Variants in L3MBTL2 observed in about 807,000 individuals in gnomAD.
L3MBTL2 encodes the protein lethal(3)malignant brain tumor-like protein 2.
A neutral mutation model predicts 86.4 loss-of-function variants in L3MBTL2; 49 were observed. That is an observed-to-expected ratio of 0.57 (90% CI 0.45 to 0.72). The LOEUF (loss-of-function observed/expected upper bound fraction) is 0.72, where lower values mean the gene tolerates loss of function less well. Ranked by LOEUF, L3MBTL2 falls within the 30% of genes least tolerant of loss-of-function variation. L3MBTL2 has a pLI of 0.00. For synonymous variants in L3MBTL2, 336 were observed against 350.6 expected (o/e 0.96, Z 0.47); for missense variants, 755 against 923.7 (o/e 0.82, Z 2.37).
chr22:41,206,695 A>T (rs977681913), intron 1 of L3MBTL2, among the ~76,000 whole-genome samples: 7 of 151,820 alleles, frequency 4.6e-5, no homozygotes, highest in African/African-American at 1.7e-4. Flanking sequence ...GCTACTCGGG[A>T]GGCTGAGGCG....
chr22:41,228,379 G>GC (rs1254591017), intron 15 of L3MBTL2: 8 of 985,340 alleles, frequency 8.1e-6, no homozygotes, highest in South Asian at 9.4e-5. Context: ...CCTTGGTGGG[G>GC]CCTCACTCTA....
intron 1 of L3MBTL2, among the ~76,000 whole-genome samples, chr22:41,207,236 CTTTTTTTTTTTT>C (rs753351369): frequency 5.8e-5 from 7 of 120,508 alleles, no homozygotes; most frequent in African/African-American, 1.3e-4. Context: ...CCCCCAAATC[CTTTTTTTTTTTT>C]TTTTTTTTTT....
At position 41,225,063 on chromosome 22, in the gene L3MBTL2, G is replaced by T; in HGVS notation, c.1348G>T (p.Val450Phe). 6.2e-7 allele frequency: 1 copy of T among 1,613,170 alleles called. No individual in the cohort carries two copies. The highest frequency in any genetic ancestry group is 8.5e-7 in the Non-Finnish European group (1 of 1,179,452). ...TCTGGGCAACATCTGCGTGGCAACTGTCTGTAAGGTGAGCCAGGGGCCGGC... is the reference window on the plus strand; with the variant it reads ...TCTGGGCAACATCTGCGTGGCAACTTTCTGTAAGGTGAGCCAGGGGCCGGC... ...LNLGNICVAT[V>F]CKVLLDGYLM... is the part of the protein sequence containing the mutation. Residue 450 changes from valine to phenylalanine, a missense_variant, in exon 11 of 17, where the codon GTC becomes TTC. Around this residue, in one of 3 missense-constraint regions of L3MBTL2, gnomAD observed 634 missense variants for 748.9 expected, o/e 0.85. Coordinates refer to ENST00000216237, the MANE Select transcript of L3MBTL2 (RefSeq NM_031488.5). This position sits in a 1 kb window ranked among gnomAD's most constrained non-coding sequence, Gnocchi z 4.1.
intron 15 of L3MBTL2, 110 bp from the exon 16 acceptor site, chr22:41,229,430 C>T (rs2145620947): frequency 8.1e-7 from 1 of 1,234,560 alleles, no homozygotes; most frequent in Non-Finnish European, 1.1e-6. Context: ...TGTCCCCAAA[C>T]TGGCACTTTT....
chr22:41,218,779 A>C (rs994305759), intron 5 of L3MBTL2: 1 of 152,060 alleles, frequency 6.6e-6, no homozygotes, highest in African/African-American at 2.4e-5. Context: ...ATGTGCCACC[A>C]CCACGCCCGG....
At chr22:41,228,422 G>A in intron 15 of L3MBTL2, 1 of 985,456 alleles carries the variant, frequency 1.0e-6, no homozygotes, top group Non-Finnish European at 1.2e-6. Context: ...TTCCACTTGA[G>A]GGGCAGAGCG....
intron 6 of L3MBTL2, 76 bp from the exon 7 acceptor site, chr22:41,220,658 A>AG: frequency 3.0e-6 from 4 of 1,332,932 alleles, no homozygotes; most frequent in East Asian, 2.4e-5. Flanking sequence ...ACTTCGTCTC[A>AG]GAAAAAAAAA....
intron 4 of L3MBTL2, among the ~76,000 whole-genome samples, chr22:41,216,564 G>A (rs901698375): frequency 3.3e-5 from 5 of 152,172 alleles, no homozygotes; most frequent in African/African-American, 9.7e-5. Context: ...CTGGGGCAAC[G>A]AAGGCCCAGA....
intron 1 of L3MBTL2, chr22:41,208,560 G>T: frequency 4.0e-6 from 1 of 250,300 alleles, no homozygotes; most frequent in Non-Finnish European, 8.0e-6. Context: ...CTTGCCCAAG[G>T]CCCTATAGCT....
At chr22:41,214,415 TCA>T (rs1943664897) in intron 3 of L3MBTL2, 1 of 160,356 alleles carries the variant, frequency 6.2e-6, no homozygotes, top group Non-Finnish European at 1.4e-5. Flanking sequence ...GGACTCCATG[TCA>T]CAGGCAGCTA....
At chr22:41,216,109 G>C in intron 3 of L3MBTL2, 30 bp from the exon 4 acceptor site, 4 of 1,596,748 alleles carry the variant, frequency 2.5e-6, no homozygotes, top group Non-Finnish European at 3.4e-6. Context: ...CAGCCGCCAG[G>C]CTACACATAG....
Position 41,216,252 on chromosome 22 carries a change from A to G in L3MBTL2, c.510A>G (p.Thr170=). Residue 170 remains threonine, a synonymous_variant, in exon 4 of 17, where the codon ACA becomes ACG. Transcript: ENST00000216237. ...GTGQLADGTP[T]GQDALVLGFD... ...GACAGCTGGCAGATGGGACACCAAC[A>G]GGACAAGACGGTAAGATAGCAGAGG... is the stretch of plus-strand genomic sequence containing the variant. 1 of 1,613,966 alleles carries G rather than the reference A, an allele frequency of 6.2e-7. No individual in the cohort carries two copies. The highest frequency in any genetic ancestry group is 2.2e-5 in the East Asian group (1 of 44,870).
chr22:41,225,190 G>GC lies in L3MBTL2; in HGVS notation c.1356+120dup. ...TCTGTGTCCCAGCCTCTCATCACTG[G>GC]CTGCACCCAGAGTCCCTGACTTTTG... On this transcript the variant is annotated intron_variant, in intron 11 of 16. Transcript: ENST00000216237. The surrounding 1 kb of genome is among the most constrained non-coding windows in gnomAD (Gnocchi z 4.1). 1 of 749,710 alleles carries GC rather than the reference G, an allele frequency of 1.3e-6. No homozygotes were observed. The highest frequency in any genetic ancestry group is 2.2e-6 in the Non-Finnish European group (1 of 463,312). 46.4% of individuals were successfully genotyped at this position (749,710 alleles called of 1,614,324 possible). A position where few individuals can be genotyped will look rare whatever the true frequency, so the allele number is the denominator to read the frequency against.
At position 41,230,319 on chromosome 22, in the gene L3MBTL2, G is replaced by A; in HGVS notation, c.*68G>A. On this transcript the variant is annotated 3_prime_UTR_variant, in exon 17 of 17. Transcript: ENST00000216237. ...AGCGTTTCTCTACCACCACCACCAT[G>A]CCTCCACCTGACTTTGGCTTGGAGA... is the stretch of plus-strand genomic sequence containing the variant. 8.8e-7 allele frequency: 1 copy of A among 1,133,614 alleles called. No individual in the cohort carries two copies. Among genetic ancestry groups the A allele is most frequent in the Non-Finnish European group, 1.3e-6 (1 of 750,030 alleles). The allele number at this position is 1,133,614 out of a possible 1,614,324, so 70.2% of individuals were successfully genotyped here. A position where few individuals can be genotyped will look rare whatever the true frequency, so the allele number is the denominator to read the frequency against.
chr22:41,221,409 CA>C lies in L3MBTL2; in HGVS notation c.942+123del, dbSNP rs2031810737. ...TGCCTGATGATCTTCAGCAGCTCCA[CA>C]TTTTGCAAGGCTAGAGACAAATGCT... is the stretch of plus-strand genomic sequence containing the variant. On this transcript the variant is annotated intron_variant, in intron 8 of 16. Transcript: ENST00000216237. The C allele has an allele frequency of 5.9e-6, 5 of 843,756 alleles. No homozygotes were observed. In the South Asian group the frequency reaches 6.2e-5, roughly 10 times the overall value. 52.3% of individuals were successfully genotyped at this position (843,756 alleles called of 1,614,324 possible).
intron 8 of L3MBTL2, among the ~76,000 whole-genome samples, chr22:41,223,453 C>T (rs977164006): frequency 6.6e-6 from 1 of 152,136 alleles, no homozygotes; most frequent in African/African-American, 2.4e-5. Context: ...CAGTTGCTAC[C>T]AAGGCACTGT....
Position 41,224,112 on chromosome 22 carries a change from G to A in L3MBTL2, c.1035G>A (p.Val345=), listed in dbSNP as rs575210712. Residue 345 remains valine, a synonymous_variant, in exon 9 of 17, where the codon GTG becomes GTA. Coordinates refer to ENST00000216237, the MANE Select transcript of L3MBTL2 (RefSeq NM_031488.5). The surrounding 1 kb of genome is among the most constrained non-coding windows in gnomAD (Gnocchi z 4.9). ...TGTCACGCACTCGCATGGCTGTGGT[G>A]GACACAGTAATCGGGGGTCGCCTAC... The part of the protein sequence containing the change: ...SQVSRTRMAV[V]DTVIGGRLRL... The A allele has an allele frequency of 1.2e-5, 20 of 1,614,164 alleles. No individual in the cohort carries two copies. In the South Asian group the frequency reaches 2.2e-4, roughly 18 times the overall value.
chr22:41,224,170 G>A lies in L3MBTL2; in HGVS notation c.1093G>A (p.Asp365Asn), dbSNP rs774950861. The A allele has an allele frequency of 1.3e-5, 21 of 1,614,106 alleles. No individual in the cohort carries two copies. The highest frequency in any genetic ancestry group is 5.0e-5 in the Admixed American group (3 of 60,024). ...CTACGAGGATGGTGACAGTGACGACGACTTCTGGTGCCACATGTGGAGCCC... is the reference window on the plus strand; with the variant it reads ...CTACGAGGATGGTGACAGTGACGACAACTTCTGGTGCCACATGTGGAGCCC... Reference protein sequence around the residue: ...LLYEDGDSDDDFWCHMWSPLI... With the variant: ...LLYEDGDSDDNFWCHMWSPLI... The change falls in exon 9 of 17, where the codon GAC (aspartate) becomes AAC (asparagine). Residue 365 changes from aspartate to asparagine, a missense_variant. Physicochemically the swap from Asp to Asn is conservative, Grantham distance 23. This residue lies in a region of L3MBTL2 where 634 missense variants were observed against 748.9 expected (regional missense o/e 0.85). Transcript: ENST00000216237. This position sits in a 1 kb window ranked among gnomAD's most constrained non-coding sequence, Gnocchi z 4.9.
chr22:41,227,193 G>A lies in L3MBTL2; in HGVS notation c.1692G>A (p.Arg564=), dbSNP rs139412842. The A allele has an allele frequency of 5.0e-6, 8 of 1,613,630 alleles. No individual in the cohort carries two copies. Among genetic ancestry groups the A allele is most frequent in the Non-Finnish European group, 6.8e-6 (8 of 1,179,972 alleles). ...CCACGGTGAAACGAGTGGTGCATCG[G>A]CTCCTCAGCATCCACTTTGACGGCT... is the stretch of plus-strand genomic sequence containing the variant. ...CVATVKRVVH[R]LLSIHFDGWD... Residue 564 remains arginine (R), a synonymous_variant, in exon 14 of 17, where the codon CGG becomes CGA. Coordinates refer to ENST00000216237, the MANE Select transcript of L3MBTL2 (RefSeq NM_031488.5). This position sits in a 1 kb window ranked among gnomAD's most constrained non-coding sequence, Gnocchi z 6.0.
Sources: gnomAD v4.1 joint callset for allele counts (sites outside exome capture counted in the v4.1 genomes callset) on GRCh38, gnomAD v4.1.1 for gene constraint, gnomAD v4.1.1 regional missense constraint, Gnocchi (gnomAD v3.1) non-coding constraint, MANE v1.5 for transcripts, NCBI Gene and HGNC (gene_info 2026-07-23, HGNC 2026-07-21) for gene names.